The following ADGRB3 variants were observed in gnomAD, a reference collection of about 807,000 sequenced individuals.
ADGRB3 encodes adhesion G protein-coupled receptor B3.
Under a neutral mutation model 193.4 loss-of-function variants are expected in ADGRB3, and 37 were observed. The ratio of observed to expected loss-of-function variants is 0.19; its 90% CI spans 0.15 to 0.25. ADGRB3 has a LOEUF of 0.25. ADGRB3 is among the 10% of genes least tolerant of loss of function. The pLI is 1.00. For missense variants in ADGRB3, 1,637 were observed against 1,852.9 expected, an observed-to-expected ratio of 0.88 and a Z score of 2.14; for synonymous variants, 690 against 644.2, an observed-to-expected ratio of 1.07 and a Z score of -1.08.
At chr6:68,836,610 T>C (rs1768050661) in intron 3 of ADGRB3, among the ~76,000 whole-genome samples, 1 of 152,150 alleles carries the variant, frequency 6.6e-6, no homozygotes, top group South Asian at 2.1e-4. Context: ...ATGTTTAATC[T>C]GGTATGGAAA....
chr6:68,708,886 T>A (rs2127314778), intron 3 of ADGRB3, among the ~76,000 whole-genome samples: 1 of 152,248 alleles, frequency 6.6e-6, no homozygotes, highest in East Asian at 1.9e-4. Flanking sequence ...CTATTACCAA[T>A]CTGTACCTAA....
chr6:69,224,842 ATAAATTAAACTTTATTCT>A (rs1441374431), intron 17 of ADGRB3, among the ~76,000 whole-genome samples: 1 of 152,192 alleles, frequency 6.6e-6, no homozygotes, highest in Admixed American at 6.5e-5. Context: ...TTAAAATTAC[ATAAATTAAACTTTATTCT>A]TGGATTTTCT....
At chr6:68,830,020 G>A (rs1255916995) in intron 3 of ADGRB3, among the ~76,000 whole-genome samples, 2 of 152,008 alleles carry the variant, frequency 1.3e-5, no homozygotes, top group East Asian at 1.9e-4. Flanking sequence ...TTTAAGGGAG[G>A]CAATAAACAG....
At chr6:68,661,169 A>C (rs1003047492) in intron 3 of ADGRB3, among the ~76,000 whole-genome samples, 2 of 149,600 alleles carry the variant, frequency 1.3e-5, no homozygotes, top group Non-Finnish European at 3.0e-5. Context: ...ATATTATATT[A>C]TTAGCCTTCA....
intron 10 of ADGRB3, among the ~76,000 whole-genome samples, chr6:68,993,394 A>T (rs1300246777): frequency 6.6e-6 from 1 of 152,104 alleles, no homozygotes; most frequent in Non-Finnish European, 1.5e-5. Context: ...AAGTGTTTAT[A>T]ATCTCCCATC....
intron 17 of ADGRB3, among the ~76,000 whole-genome samples, chr6:69,165,101 A>G (rs983010587): frequency 6.6e-6 from 1 of 151,988 alleles, no homozygotes; most frequent in Non-Finnish European, 1.5e-5. Flanking sequence ...GGACCTTTCT[A>G]AAGCTAAACC....
At chr6:68,883,141 C>T (rs1338344522) in intron 3 of ADGRB3, among the ~76,000 whole-genome samples, 2 of 152,142 alleles carry the variant, frequency 1.3e-5, no homozygotes, top group Non-Finnish European at 2.9e-5. Flanking sequence ...ATACACCAAT[C>T]AGCACCCTGT....
intron 17 of ADGRB3, among the ~76,000 whole-genome samples, chr6:69,164,886 C>T (rs1425575317): frequency 1.3e-5 from 2 of 152,100 alleles, no homozygotes; most frequent in Non-Finnish European, 2.9e-5. Flanking sequence ...GCAGCTAGCA[C>T]AGTGCCTGGC....
chr6:69,219,492 T>TATATAC (rs1364575476), intron 17 of ADGRB3, among the ~76,000 whole-genome samples: 14 of 141,588 alleles, frequency 9.9e-5, no homozygotes, highest in South Asian at 2.2e-4. Context: ...TATATATATA[T>TATATAC]ACGTGTGTGT....
At chr6:68,946,359 T>A (rs1471014622) in intron 6 of ADGRB3, among the ~76,000 whole-genome samples, 1 of 152,088 alleles carries the variant, frequency 6.6e-6, no homozygotes, top group African/African-American at 2.4e-5. Flanking sequence ...ATCAATGAGA[T>A]GTAAGGCACT....
chr6:69,180,468 G>T (rs1775549962), intron 17 of ADGRB3, among the ~76,000 whole-genome samples: 1 of 152,120 alleles, frequency 6.6e-6, no homozygotes, highest in Non-Finnish European at 1.5e-5. Context: ...AACAATCTGT[G>T]TCTAGGAAGG....
chr6:68,870,141 G>T (rs573519431), intron 3 of ADGRB3, among the ~76,000 whole-genome samples: 14 of 152,228 alleles, frequency 9.2e-5, no homozygotes, highest in African/African-American at 2.2e-4. Context: ...TTAGCCACAT[G>T]ATTTTTACTG....
chr6:69,041,716 C>T (rs62416775), intron 13 of ADGRB3, among the ~76,000 whole-genome samples: 2,223 of 152,072 alleles, frequency 0.015, 22 homozygotes, highest in Non-Finnish European at 0.023. Flanking sequence ...GGGATCCACC[C>T]GCCTCAGCCT....
At chr6:68,764,181 T>A (rs1766466079) in intron 3 of ADGRB3, among the ~76,000 whole-genome samples, 1 of 152,226 alleles carries the variant, frequency 6.6e-6, no homozygotes, top group African/African-American at 2.4e-5. Context: ...CAGTATTTAA[T>A]GTTCTTGCCA....
intron 17 of ADGRB3, among the ~76,000 whole-genome samples, chr6:69,183,526 T>G (rs1764992324): frequency 6.6e-6 from 1 of 152,102 alleles, no homozygotes; most frequent in Non-Finnish European, 1.5e-5. Flanking sequence ...TGCTCTAGAC[T>G]GAAGATTCTG....
At chr6:69,182,992 T>C (rs1764966024) in intron 17 of ADGRB3, among the ~76,000 whole-genome samples, 1 of 152,068 alleles carries the variant, frequency 6.6e-6, no homozygotes, top group Non-Finnish European at 1.5e-5. Flanking sequence ...AATAACTACT[T>C]TCTGAGTTAT....
chr6:69,260,774 G>A (rs1274562978), intron 20 of ADGRB3, among the ~76,000 whole-genome samples: 1 of 152,060 alleles, frequency 6.6e-6, no homozygotes, highest in Non-Finnish European at 1.5e-5. Context: ...CTTATGTCCT[G>A]GGATTAAAAT....
chr6:69,215,348 T>C (rs1279447827), intron 17 of ADGRB3, among the ~76,000 whole-genome samples: 1 of 152,158 alleles, frequency 6.6e-6, no homozygotes, highest in Non-Finnish European at 1.5e-5. Context: ...TAAAATTTTT[T>C]CAAAATAAAA....
At chr6:69,278,222 G>GA (rs546323380) in intron 20 of ADGRB3, among the ~76,000 whole-genome samples, 28 of 152,146 alleles carry the variant, frequency 1.8e-4, no homozygotes, top group Non-Finnish European at 3.4e-4. Context: ...AGGCATCTTG[G>GA]AAAAAAAGTT....
Sources: gnomAD v4.1 joint callset for allele counts (sites outside exome capture counted in the v4.1 genomes callset) on GRCh38, gnomAD v4.1.1 for gene constraint, MANE v1.5 for transcripts, NCBI Gene and HGNC (gene_info 2026-07-23, HGNC 2026-07-21) for gene names.